Variants in PHACTR1 observed in about 807,000 individuals in gnomAD.
PHACTR1 encodes phosphatase and actin regulator 1, also known as RPEL repeat containing 1.
Under a neutral mutation model 69.2 loss-of-function variants are expected in PHACTR1, and 16 were observed. The observed-to-expected ratio is 0.23, with a 90% confidence interval of 0.16 to 0.35. The LOEUF (loss-of-function observed/expected upper bound fraction) is 0.35. PHACTR1 is among the 10% of genes least tolerant of loss of function. The pLI, the probability that PHACTR1 is intolerant of heterozygous loss-of-function variation, is 1.00. For synonymous variants in PHACTR1, 312 were observed against 284.5 expected, an observed-to-expected ratio of 1.10 and a Z score of -0.97; for missense variants, 510 against 734.7, an observed-to-expected ratio of 0.69 and a Z score of 3.54.
At chr6:12,996,839 A>T (rs1409955626) in intron 4 of PHACTR1, among the ~76,000 whole-genome samples, 2 of 152,190 alleles carry the variant, frequency 1.3e-5, no homozygotes, top group Non-Finnish European at 2.9e-5. Flanking sequence ...ATTTTAACCC[A>T]AGCCAGCAAA....
At chr6:12,876,328 A>G (rs1782526092) in intron 4 of PHACTR1, among the ~76,000 whole-genome samples, 1 of 152,198 alleles carries the variant, frequency 6.6e-6, no homozygotes, top group African/African-American at 2.4e-5. Context: ...TAATGATCCA[A>G]TGACCAGACT....
intron 5 of PHACTR1, among the ~76,000 whole-genome samples, chr6:13,144,565 C>T (rs1008738341): frequency 1.2e-4 from 18 of 151,694 alleles, no homozygotes; most frequent in African/African-American, 4.4e-4. Context: ...AATAAAAACC[C>T]CAATAGGTTT....
rs956715197 is a variant in PHACTR1 at position 12,821,422 on chromosome 6, C to T, written c.250+71632C>T. ...AGGTCGCAGTGAGCTGAGATCGCAC[C>T]ACTGCACTCCAGCCTGGGTGACAGA... On this transcript the variant is annotated intron_variant, in intron 4 of 14. Transcript: ENST00000332995. 5.4e-5 allele frequency among the ~76,000 whole-genome samples: 8 copies of T among 147,826 alleles called. No homozygotes were observed. In the East Asian group the frequency reaches 1.6e-3, roughly 29 times the overall value.
intron 3 of PHACTR1, among the ~76,000 whole-genome samples, chr6:12,740,917 G>A (rs1183024360): frequency 6.6e-6 from 1 of 151,390 alleles, no homozygotes; most frequent in East Asian, 1.9e-4. Context: ...TCTTGCTGGA[G>A]CTTAATTAAT....
Position 13,122,083 on chromosome 6 carries a change from A to G in PHACTR1, c.416-38121A>G, listed in dbSNP as rs544576514. On this transcript the variant is annotated intron_variant, in intron 5 of 14. Transcript: ENST00000332995. ...CTTCTGTGTGATACTGAGGCAGTCT[A>G]TTCCTGAGCCCGACAGCCACCACTC... Among the ~76,000 whole-genome samples the G allele has an allele frequency of 2.6e-5, 4 of 152,266 alleles. 1 individual carries two copies. The highest frequency in any genetic ancestry group is 3.9e-4 in the East Asian group (2 of 5,184).
intron 5 of PHACTR1, among the ~76,000 whole-genome samples, chr6:13,142,251 C>T (rs529894992): frequency 7.9e-5 from 12 of 152,260 alleles, no homozygotes; most frequent in Non-Finnish European, 1.5e-4. Flanking sequence ...TACAGGCATG[C>T]GCCACCACAC....
At chr6:12,781,339 C>G (rs1770793849) in intron 4 of PHACTR1, among the ~76,000 whole-genome samples, 1 of 152,142 alleles carries the variant, frequency 6.6e-6, no homozygotes, top group South Asian at 2.1e-4. Context: ...GTGATAAGGT[C>G]TGTGATTGCT....
intron 5 of PHACTR1, among the ~76,000 whole-genome samples, chr6:13,070,762 C>G (rs1405042172): frequency 6.6e-6 from 1 of 151,912 alleles, no homozygotes; most frequent in Admixed American, 6.6e-5. Context: ...ATTCTGGATT[C>G]CCAAGGCAGA....
intron 7 of PHACTR1, among the ~76,000 whole-genome samples, chr6:13,191,346 T>C (rs1763567123): frequency 6.6e-6 from 1 of 152,184 alleles, no homozygotes; most frequent in Admixed American, 6.5e-5. Flanking sequence ...CCATAAGGTT[T>C]ATTATACTCA....
rs116590688 is a variant in PHACTR1, at chr6:12,745,336, G to T, written c.104-4308G>T. On this transcript the variant is annotated intron_variant, in intron 3 of 14. Coordinates refer to ENST00000332995, the MANE Select transcript of PHACTR1 (RefSeq NM_030948.6). ...AGTCTACAGTGTTAAAATGTTGACT[G>T]GTTTTAGGAAAAGGAAAAGAGAAAA... is the stretch of plus-strand genomic sequence containing the variant. 7.5e-3 allele frequency among the ~76,000 whole-genome samples: 1,144 copies of T among 152,302 alleles called. 6 individuals are homozygous for T. The highest frequency in any genetic ancestry group is 0.013 in the Non-Finnish European group (854 of 68,014).
intron 6 of PHACTR1, among the ~76,000 whole-genome samples, chr6:13,171,954 A>G (rs542223170): frequency 3.3e-5 from 5 of 152,194 alleles, no homozygotes; most frequent in Admixed American, 1.3e-4. Flanking sequence ...TTTTGTAGAG[A>G]CGGGTTTTCA....
At chr6:13,064,604 ATCTATATATC>A (rs1386298466) in intron 5 of PHACTR1, among the ~76,000 whole-genome samples, 128 of 7,504 alleles carry the variant, frequency 0.017, 33 homozygotes, top group South Asian at 0.074. Context: ...ATATATATAT[ATCTATATATC>A]TATCTATCCA....
chr6:12,993,900 C>T (rs1004479948), intron 4 of PHACTR1, among the ~76,000 whole-genome samples: 28 of 152,056 alleles, frequency 1.8e-4, no homozygotes, highest in African/African-American at 6.3e-4. Flanking sequence ...AGTATAAACT[C>T]ACAATGAAAA....
intron 4 of PHACTR1, among the ~76,000 whole-genome samples, chr6:12,871,594 G>A (rs1387414123): frequency 6.6e-6 from 1 of 151,944 alleles, no homozygotes; most frequent in Non-Finnish European, 1.5e-5. Flanking sequence ...CTGAAAACTG[G>A]CCTGATAAGA....
At chr6:13,094,038 ATTTATTTTTG>A (rs2127836908) in intron 5 of PHACTR1, among the ~76,000 whole-genome samples, 1 of 151,900 alleles carries the variant, frequency 6.6e-6, no homozygotes, top group Admixed American at 6.6e-5. Context: ...CACCTGGTTA[ATTTATTTTTG>A]TTTTTATAGA....
intron 5 of PHACTR1, among the ~76,000 whole-genome samples, chr6:13,081,060 C>T (rs1045351237): frequency 3.3e-5 from 5 of 152,076 alleles, no homozygotes; most frequent in Admixed American, 6.6e-5. Flanking sequence ...AGAGAGTAGT[C>T]CAGAGTGCAG....
At chr6:12,922,630 T>C (rs1334418118) in intron 4 of PHACTR1, among the ~76,000 whole-genome samples, 3 of 152,240 alleles carry the variant, frequency 2.0e-5, no homozygotes, top group African/African-American at 7.2e-5. Context: ...TGATTTCAAC[T>C]TTCCATTTCA....
At chr6:13,268,427 C>A (rs961857440) in intron 10 of PHACTR1, among the ~76,000 whole-genome samples, 2 of 152,162 alleles carry the variant, frequency 1.3e-5, no homozygotes, top group African/African-American at 4.8e-5. Context: ...ACATCCTCAT[C>A]CCCAGATCTA....
chr6:13,092,230 C>T (rs528150558), intron 5 of PHACTR1, among the ~76,000 whole-genome samples: 4 of 152,326 alleles, frequency 2.6e-5, no homozygotes, highest in African/African-American at 7.2e-5. Flanking sequence ...TCCAGCTCTG[C>T]GGCACAGTTC....
Sources: gnomAD v4.1 joint callset for allele counts (sites outside exome capture counted in the v4.1 genomes callset) on GRCh38, gnomAD v4.1.1 for gene constraint, MANE v1.5 for transcripts, NCBI Gene and HGNC (gene_info 2026-07-23, HGNC 2026-07-21) for gene names.